The following PCGF5 variants were observed in gnomAD, a reference collection of about 807,000 sequenced individuals.
PCGF5 encodes polycomb group ring finger 5.
In PCGF5, 9 loss-of-function variants were observed where a neutral mutation model predicts 44.3. That is an observed-to-expected ratio of 0.20 (90% CI 0.12 to 0.35). The LOEUF is 0.35. Ranked by LOEUF, PCGF5 falls within the 10% of genes least tolerant of loss-of-function variation. The probability of loss-of-function intolerance (pLI) is 1.00; values close to 1 mark genes in which losing one functional copy is unlikely to be tolerated. For missense variants in PCGF5, 146 were observed against 305.3 expected (o/e 0.48, Z 3.89); for synonymous variants, 95 against 102.5 (o/e 0.93, Z 0.44).
Position 91,248,429 on chromosome 10 carries a change from T to C in PCGF5, c.210-76T>C, listed in dbSNP as rs556416260. 1.4e-5 allele frequency: 18 copies of C among 1,286,852 alleles called. No homozygotes were observed. In the East Asian group the frequency reaches 4.2e-4, roughly 30 times the overall value. The allele number at this position is 1,286,852 out of a possible 1,614,324, so 79.7% of individuals were successfully genotyped here. On this transcript the variant is annotated intron_variant, in intron 3 of 9. Coordinates refer to ENST00000336126, the MANE Select transcript of PCGF5 (RefSeq NM_032373.5). ...ATGTATTTTGTAACATGTATAAGATTATACATCTCAGACTATTTACATGTC... is the reference window on the plus strand; with the variant it reads ...ATGTATTTTGTAACATGTATAAGATCATACATCTCAGACTATTTACATGTC...
Position 91,248,490 on chromosome 10 carries a change from TC to T in PCGF5, c.210-9del, listed in dbSNP as rs1447488399. 7 of 1,605,220 alleles carry T rather than the reference TC, an allele frequency of 4.4e-6. No homozygotes were observed. Among genetic ancestry groups the T allele is most frequent in the Non-Finnish European group, 8.5e-7 (1 of 1,172,636 alleles). ...GTCTTCATTGTTAGTATTTTCTTTC[TC>T]CCCCCTTTCGAAGGTTGGACAATAC... On this transcript the variant is annotated splice_polypyrimidine_tract_variant and intron_variant, in intron 3 of 9. Transcript: ENST00000336126.
intron 6 of PCGF5, among the ~76,000 whole-genome samples, chr10:91,252,253 A>G (rs1181902022): frequency 6.6e-6 from 1 of 151,948 alleles, no homozygotes; most frequent in Admixed American, 6.6e-5. Context: ...TCAAATGCCT[A>G]TATTCATTGT....
At chr10:91,207,589 C>T (rs540167745) in intron 1 of PCGF5, among the ~76,000 whole-genome samples, 1 of 152,164 alleles carries the variant, frequency 6.6e-6, no homozygotes, top group Non-Finnish European at 1.5e-5. Context: ...AATGTGCAGA[C>T]CTGTCCCAAT....
intron 2 of PCGF5, among the ~76,000 whole-genome samples, chr10:91,238,616 T>TCTTTCTTTCTTTC (rs1564645053): frequency 2.9e-5 from 4 of 136,232 alleles, no homozygotes; most frequent in African/African-American, 1.1e-4. Context: ...TTTTTTTTTT[T>TCTTTCTTTCTTTC]TTTTTTTTTT....
At chr10:91,265,342 A>G (rs1297376590) in intron 8 of PCGF5, among the ~76,000 whole-genome samples, 1 of 152,162 alleles carries the variant, frequency 6.6e-6, no homozygotes, top group African/African-American at 2.4e-5. Context: ...TGCTATCAGA[A>G]ATTATCTTCA....
At chr10:91,278,235 A>G in intron 9 of PCGF5, 34 bp from the exon 10 acceptor site, 2 of 1,519,600 alleles carry the variant, frequency 1.3e-6, no homozygotes, top group Non-Finnish European at 1.8e-6. Context: ...TTATCCAAAT[A>G]CAGTCTTATT....
intron 1 of PCGF5, among the ~76,000 whole-genome samples, chr10:91,214,829 A>T (rs1295548112): frequency 6.6e-6 from 1 of 152,234 alleles, no homozygotes; most frequent in African/African-American, 2.4e-5. Context: ...ACTAAATTGA[A>T]AGGAAGGAGC....
chr10:91,261,327 GT>G lies in PCGF5; in HGVS notation c.479del (p.Leu160Ter). ...NGQSGDNVVK[G>X]LMKKFIRCST... ...ACTGGTAATCTTTATTTCCTTTAGGGTTTAATGAAGAAATTCATTCGATGTT... is the reference window on the plus strand; with the variant it reads ...ACTGGTAATCTTTATTTCCTTTAGGGTTAATGAAGAAATTCATTCGATGTT... On this transcript the variant is annotated frameshift_variant and splice_region_variant, in exon 7 of 10. Transcript: ENST00000336126. LOFTEE classifies it high-confidence loss of function. 1 of 1,497,672 alleles carries G rather than the reference GT, an allele frequency of 6.7e-7. No homozygotes were observed. Among genetic ancestry groups the G allele is most frequent in the South Asian group, 1.4e-5 (1 of 70,450 alleles). 92.8% of individuals were successfully genotyped at this position (1,497,672 alleles called of 1,614,324 possible).
chr10:91,165,236 G>GA (rs1485273358), intron 1 of PCGF5, among the ~76,000 whole-genome samples: 3 of 152,278 alleles, frequency 2.0e-5, no homozygotes, highest in Non-Finnish European at 4.4e-5. Context: ...CACTTAGTAT[G>GA]AAAAAAGATA....
At chr10:91,242,413 T>C (rs1163326093) in intron 3 of PCGF5, among the ~76,000 whole-genome samples, 1 of 146,250 alleles carries the variant, frequency 6.8e-6, no homozygotes, top group African/African-American at 2.8e-5. Flanking sequence ...CTTATTTTTA[T>C]TAAAATAAAA....
At chr10:91,166,735 T>C (rs1843507784) in intron 1 of PCGF5, among the ~76,000 whole-genome samples, 1 of 152,212 alleles carries the variant, frequency 6.6e-6, no homozygotes, top group African/African-American at 2.4e-5. Context: ...CCCTAATAAG[T>C]AGAGCTTTCC....
chr10:91,278,382 C>G lies in PCGF5; in HGVS notation c.*66C>G. The G allele has an allele frequency of 2.9e-6, 4 of 1,399,920 alleles. No homozygotes were observed. The South Asian group carries it at 4.6e-5, about 16-fold the overall frequency. The allele number at this position is 1,399,920 out of a possible 1,614,324, so 86.7% of individuals were successfully genotyped here. Reference sequence around the variant, plus strand: ...TTTGTTTACTCGTCAACAGATTGCACAGTTAACGGTGTGTGGACTAGAGGA... The same window carrying G: ...TTTGTTTACTCGTCAACAGATTGCAGAGTTAACGGTGTGTGGACTAGAGGA... On this transcript the variant is annotated 3_prime_UTR_variant, in exon 10 of 10. Coordinates refer to ENST00000336126, the MANE Select transcript of PCGF5 (RefSeq NM_032373.5).
chr10:91,262,842 C>A (rs751593076), intron 7 of PCGF5, among the ~76,000 whole-genome samples: 1 of 152,128 alleles, frequency 6.6e-6, no homozygotes. Context: ...ATAAATTGTT[C>A]TTATGATTTG....
chr10:91,226,207 A>C (rs1844831912), intron 2 of PCGF5, among the ~76,000 whole-genome samples: 1 of 146,698 alleles, frequency 6.8e-6, no homozygotes, highest in Non-Finnish European at 1.5e-5. Flanking sequence ...AAGCTTTATA[A>C]TTGGTGTGCA....
At position 91,180,335 on chromosome 10, in the gene PCGF5, A is replaced by G. The variant is rs186705568; in HGVS notation, c.-184+17254A>G. ...CTGGTAGTTTCTTTTGCTGTACAGAAGCTCTTTAGTTTAATTAGATCCCAC... is the reference window on the plus strand; with the variant it reads ...CTGGTAGTTTCTTTTGCTGTACAGAGGCTCTTTAGTTTAATTAGATCCCAC... On this transcript the variant is annotated intron_variant, in intron 1 of 9. Coordinates refer to the PCGF5 transcript ENST00000614189. 9.2e-5 allele frequency among the ~76,000 whole-genome samples: 14 copies of G among 152,268 alleles called. No homozygotes were observed. In the East Asian group the frequency reaches 1.5e-3, roughly 17 times the overall value.
intron 1 of PCGF5, among the ~76,000 whole-genome samples, chr10:91,206,930 G>C (rs1402432077): frequency 6.6e-6 from 1 of 152,090 alleles, no homozygotes; most frequent in East Asian, 1.9e-4. Context: ...AGTCCCTCTT[G>C]GTTTTATTTT....
At chr10:91,171,439 G>A (rs1373025359) in intron 1 of PCGF5, among the ~76,000 whole-genome samples, 2 of 152,110 alleles carry the variant, frequency 1.3e-5, no homozygotes, top group Non-Finnish European at 2.9e-5. Context: ...GGTGATGAGG[G>A]CTTGACAAGT....
chr10:91,231,669 C>G (rs1589382928), intron 2 of PCGF5, among the ~76,000 whole-genome samples: 1 of 152,126 alleles, frequency 6.6e-6, no homozygotes, highest in African/African-American at 2.4e-5. Flanking sequence ...AAGGATTTTG[C>G]TTTTACTCTG....
intron 9 of PCGF5, among the ~76,000 whole-genome samples, chr10:91,275,999 T>C (rs1289767046): frequency 6.6e-6 from 1 of 152,004 alleles, no homozygotes; most frequent in East Asian, 1.9e-4. Flanking sequence ...CTGTTAAAAA[T>C]TATGTAGCAC....
Sources: gnomAD v4.1 joint callset for allele counts (sites outside exome capture counted in the v4.1 genomes callset) on GRCh38, gnomAD v4.1.1 for gene constraint, MANE v1.5 for transcripts, NCBI Gene and HGNC (gene_info 2026-07-23, HGNC 2026-07-21) for gene names.